ZFHX3: variants seen among roughly 807,000 people sequenced by gnomAD.
ZFHX3 encodes the protein zinc finger homeobox 3.
A neutral mutation model predicts 279.1 loss-of-function variants in ZFHX3; 42 were observed. That is an observed-to-expected ratio of 0.15 (90% CI 0.12 to 0.19). The LOEUF (loss-of-function observed/expected upper bound fraction) is 0.19. Ranked by LOEUF, ZFHX3 falls within the 10% of genes least tolerant of loss-of-function variation. The pLI is 1.00. For missense variants in ZFHX3, 4,981 were observed against 4,754.0 expected (o/e 1.05, Z -1.40); for synonymous variants, 2,293 against 1,957.8 (o/e 1.17, Z -4.52).
intron 3 of ZFHX3, among the ~76,000 whole-genome samples, chr16:72,948,259 G>T (rs545623376): frequency 6.6e-6 from 1 of 152,208 alleles, no homozygotes; most frequent in Non-Finnish European, 1.5e-5. Context: ...TCACTCCGGG[G>T]ATGTGCCGGC....
intron 1 of ZFHX3, among the ~76,000 whole-genome samples, chr16:73,843,764 C>A (rs1239077188): frequency 6.6e-6 from 1 of 152,104 alleles, no homozygotes; most frequent in African/African-American, 2.4e-5. Context: ...AAGAGCCAGA[C>A]AGGAAAAATT....
intron 5 of ZFHX3, among the ~76,000 whole-genome samples, chr16:73,185,687 T>C (rs1215529442): frequency 6.6e-6 from 1 of 152,138 alleles, no homozygotes; most frequent in Non-Finnish European, 1.5e-5. Context: ...TAAAAATAGC[T>C]GAATGCAGGA....
At chr16:73,657,653 C>G (rs117860635) in intron 2 of ZFHX3, among the ~76,000 whole-genome samples, 3,792 of 152,186 alleles carry the variant, frequency 0.025, 152 homozygotes, top group Admixed American at 0.1. Flanking sequence ...TATTTTATAT[C>G]TATATAGATT....
intron 1 of ZFHX3, among the ~76,000 whole-genome samples, chr16:73,840,238 C>T (rs1961267958): frequency 6.6e-6 from 1 of 152,044 alleles, no homozygotes. Flanking sequence ...GGAAAACAGC[C>T]AAGAGGAGGA....
intron 3 of ZFHX3, among the ~76,000 whole-genome samples, chr16:73,354,159 T>A (rs766377437): frequency 6.6e-6 from 1 of 152,190 alleles, no homozygotes; most frequent in South Asian, 2.1e-4. Flanking sequence ...GCACTTACAC[T>A]AAAACTAAAA....
intron 6 of ZFHX3, among the ~76,000 whole-genome samples, chr16:73,138,098 TC>T (rs1966824232): frequency 6.6e-6 from 1 of 152,134 alleles, no homozygotes; most frequent in South Asian, 2.1e-4. Flanking sequence ...TGCTTCTGAG[TC>T]CCTCTAAGAC....
In ZFHX3 at chr16:73,180,668, G is replaced by GT. The variant is rs549767580; in HGVS notation, c.-1103-36838dup. Among the ~76,000 whole-genome samples the GT allele has an allele frequency of 6.1e-3, 883 of 145,146 alleles. 3 individuals carry two copies. The highest frequency in any genetic ancestry group is 0.012 in the African/African-American group (481 of 39,972). ...ACTTGCTTACTGTCATTCTGCTGCT[G>GT]TTTTTTTTTTTTGAGACAGAATCTC... On this transcript the variant is annotated intron_variant, in intron 5 of 17. Transcript: ENST00000641206.
chr16:73,143,098 G>A (rs1966851747), intron 6 of ZFHX3, among the ~76,000 whole-genome samples: 1 of 151,622 alleles, frequency 6.6e-6, no homozygotes, highest in Admixed American at 6.6e-5. Flanking sequence ...TTTTAACTGA[G>A]TCTGAGAATA....
At chr16:73,576,086 T>C (rs571288651) in intron 2 of ZFHX3, among the ~76,000 whole-genome samples, 4 of 152,290 alleles carry the variant, frequency 2.6e-5, no homozygotes, top group Admixed American at 2.0e-4. Context: ...TTAATACTTA[T>C]ACACACTCAC....
At chr16:73,199,110 G>A (rs1968216311) in intron 5 of ZFHX3, among the ~76,000 whole-genome samples, 1 of 152,172 alleles carries the variant, frequency 6.6e-6, no homozygotes, top group Non-Finnish European at 1.5e-5. Flanking sequence ...GTGAATTGGG[G>A]GGAAACTTTG....
chr16:73,151,418 T>C lies in ZFHX3; in HGVS notation c.-1103-7587A>G, dbSNP rs74826966. ...ATGTTGCATGTAGAGAACAGCATTC[T>C]GTAGCAGGAATGAAAGGGGGAACCA... On this transcript the variant is annotated intron_variant, in intron 5 of 17. Coordinates refer to the ZFHX3 transcript ENST00000641206. Among the ~76,000 whole-genome samples, 9 of 152,192 alleles carry C rather than the reference T, an allele frequency of 5.9e-5. No individual in the cohort carries two copies. In the East Asian group the frequency reaches 1.5e-3, roughly 26 times the overall value.
intron 3 of ZFHX3, among the ~76,000 whole-genome samples, chr16:73,395,412 C>T (rs761766266): frequency 1.3e-5 from 2 of 151,456 alleles, no homozygotes; most frequent in African/African-American, 2.4e-5. Flanking sequence ...TGCAGTGAGC[C>T]GAGATCACAC....
chr16:73,177,950 G>A (rs1396510640), intron 5 of ZFHX3, among the ~76,000 whole-genome samples: 1 of 151,820 alleles, frequency 6.6e-6, no homozygotes, highest in Non-Finnish European at 1.5e-5. Context: ...TCAGCCTCAC[G>A]TGAAAAACAG....
chr16:73,067,360 T>C (rs560589878), intron 8 of ZFHX3, among the ~76,000 whole-genome samples: 1 of 152,148 alleles, frequency 6.6e-6, no homozygotes. Context: ...ACTGGAACAG[T>C]GGTGCGCGCT....
intron 4 of ZFHX3, among the ~76,000 whole-genome samples, chr16:73,278,432 G>A (rs1043025278): frequency 3.3e-5 from 5 of 152,096 alleles, no homozygotes; most frequent in Non-Finnish European, 5.9e-5. Context: ...TCGTGGTCTC[G>A]CTGACTTCAA....
At chr16:73,383,316 G>GTCCC (rs1207477190) in intron 3 of ZFHX3, among the ~76,000 whole-genome samples, 3 of 152,166 alleles carry the variant, frequency 2.0e-5, no homozygotes, top group African/African-American at 4.8e-5. Flanking sequence ...ACAAAGAAAT[G>GTCCC]TCCCTCCCTC....
chr16:73,633,812 C>T (rs1305270091), intron 2 of ZFHX3, among the ~76,000 whole-genome samples: 2 of 151,826 alleles, frequency 1.3e-5, no homozygotes, highest in African/African-American at 2.4e-5. Context: ...GTGAGAGAAT[C>T]GCTTGAACCC....
intron 5 of ZFHX3, among the ~76,000 whole-genome samples, chr16:73,227,348 C>T (rs949823203): frequency 3.9e-5 from 6 of 152,084 alleles, no homozygotes; most frequent in African/African-American, 1.2e-4. Flanking sequence ...TTTTATAATA[C>T]AGAATAAAGA....
At chr16:73,675,206 C>G (rs28397160) in intron 2 of ZFHX3, among the ~76,000 whole-genome samples, 8,956 of 152,018 alleles carry the variant, frequency 0.059, 881 homozygotes, top group African/African-American at 0.21. Flanking sequence ...CAAGCAAAGA[C>G]AGTATTAAAG....
Sources: gnomAD v4.1 joint callset for allele counts (sites outside exome capture counted in the v4.1 genomes callset) on GRCh38, gnomAD v4.1.1 for gene constraint, MANE v1.5 for transcripts, NCBI Gene and HGNC (gene_info 2026-07-23, HGNC 2026-07-21) for gene names.